The following PROX1 variants were observed in gnomAD, a reference collection of about 807,000 sequenced individuals.
PROX1 encodes the protein prospero homeobox protein 1.
PROX1 carries 7 observed loss-of-function variants against 58.8 expected under a neutral mutation model. The ratio of observed to expected loss-of-function variants is 0.12; its 90% confidence interval spans 0.07 to 0.22. The LOEUF (loss-of-function observed/expected upper bound fraction) is 0.22. Ranked by LOEUF, PROX1 falls within the 10% of genes least tolerant of loss-of-function variation. The pLI is 1.00. For synonymous variants in PROX1, 350 were observed against 358.3 expected (o/e 0.98, Z 0.26); for missense variants, 675 against 927.8 (o/e 0.73, Z 3.54).
At chr1:214,004,345 T>A (rs1396632318) in intron 2 of PROX1, among the ~76,000 whole-genome samples, 1 of 152,228 alleles carries the variant, frequency 6.6e-6, no homozygotes, top group African/African-American at 2.4e-5. Context: ...AAGGTAATGA[T>A]GTTTCCAGAT....
Position 213,997,231 on chromosome 1 carries a change from G to A in PROX1, c.696G>A (p.Lys232=). The A allele has an allele frequency of 8.7e-6, 14 of 1,612,898 alleles. No homozygotes were observed. Among genetic ancestry groups the A allele is most frequent in the East Asian group, 2.2e-5 (1 of 44,858 alleles). The change falls in exon 2 of 5, where the codon AAG becomes AAA. Residue 232 remains lysine (K), a synonymous_variant. Coordinates refer to ENST00000366958, the MANE Select transcript of PROX1 (RefSeq NM_001270616.2). The surrounding 1 kb of genome is among the most constrained non-coding windows in gnomAD (Gnocchi z 7.1). The stretch of plus-strand genomic sequence containing the variant: ...TGGTTTCAGCCCGAAAAGAACAGAA[G>A]CGAGAGGAGCGCCGACAGCTGAAAC... The part of the protein sequence containing the change: ...QQLVSARKEQ[K]REERRQLKQQ...
intron 4 of PROX1, 78 bp from the exon 5 acceptor site, chr1:214,035,571 T>G: frequency 7.0e-7 from 1 of 1,427,356 alleles, no homozygotes; most frequent in Non-Finnish European, 9.4e-7. Flanking sequence ...AAGAATGATC[T>G]TAGCTCAGTT....
chr1:214,017,063 T>C (rs990392972), intron 4 of PROX1, among the ~76,000 whole-genome samples: 2 of 152,192 alleles, frequency 1.3e-5, no homozygotes, highest in African/African-American at 2.4e-5. Context: ...TATTGTCCTT[T>C]GTTGGGGTGA....
At chr1:213,994,925 A>C (rs1158047413) in intron 1 of PROX1, among the ~76,000 whole-genome samples, 1 of 151,510 alleles carries the variant, frequency 6.6e-6, no homozygotes, top group East Asian at 1.9e-4. Flanking sequence ...AAAAATATAC[A>C]TATTGTTGCC....
At chr1:214,035,497 A>T in intron 4 of PROX1, 152 bp from the exon 5 acceptor site, 2 of 675,346 alleles carry the variant, frequency 3.0e-6, no homozygotes, top group Non-Finnish European at 4.8e-6. Context: ...TAATGACTTT[A>T]CATTAAAAGA....
chr1:214,029,839 AT>A (rs1439860447), intron 4 of PROX1: 2 of 152,042 alleles, frequency 1.3e-5, no homozygotes. Context: ...TATTTATTTG[AT>A]TTTGTGAATC....
chr1:214,028,525 G>A (rs944781252), intron 4 of PROX1, among the ~76,000 whole-genome samples: 3 of 152,114 alleles, frequency 2.0e-5, no homozygotes, highest in Non-Finnish European at 4.4e-5. Context: ...TCACCCAAGC[G>A]AACCTCCTCA....
chr1:214,037,692 G>A lies in PROX1; in HGVS notation c.*1858G>A, dbSNP rs1370060373. 1 of 152,260 alleles carries A rather than the reference G, an allele frequency of 6.6e-6. No homozygotes were observed. Among genetic ancestry groups the A allele is most frequent in the East Asian group, 1.9e-4 (1 of 5,178 alleles). 9.4% of individuals were successfully genotyped at this position (152,260 alleles called of 1,614,324 possible). A position where few individuals can be genotyped will look rare whatever the true frequency, so the allele number is the denominator to read the frequency against. On this transcript the variant is annotated 3_prime_UTR_variant, in exon 5 of 5. Transcript: ENST00000366958. ...CCAGCCACCTCACTCTGCACCCGCG[G>A]CCTCACACATCTCCCAGCTCACACT...
chr1:214,036,502 G>A lies in PROX1; in HGVS notation c.*668G>A, dbSNP rs1664834766. ...CGTACCAGTTTCTTCTGGAGGCAAA[G>A]CAATTTTGCACAAAACCAGCTCTCT... On this transcript the variant is annotated 3_prime_UTR_variant, in exon 5 of 5. Transcript: ENST00000366958. The A allele has an allele frequency of 6.6e-6, 1 of 152,154 alleles. No homozygotes were observed. The highest frequency in any genetic ancestry group is 1.5e-5 in the Non-Finnish European group (1 of 68,032). 9.4% of individuals were successfully genotyped at this position (152,154 alleles called of 1,614,324 possible). A position where few individuals can be genotyped will look rare whatever the true frequency, so the allele number is the denominator to read the frequency against.
chr1:214,027,919 C>A (rs1571840915), intron 4 of PROX1, among the ~76,000 whole-genome samples: 1 of 150,400 alleles, frequency 6.6e-6, no homozygotes. Context: ...TTGTTTAGAC[C>A]AAGGAAACAT....
At chr1:214,025,576 AC>A (rs1664422271) in intron 4 of PROX1, among the ~76,000 whole-genome samples, 1 of 151,928 alleles carries the variant, frequency 6.6e-6, no homozygotes, top group African/African-American at 2.4e-5. Flanking sequence ...AATTTTGCTG[AC>A]CACCGGCTGA....
rs191582069 is a variant in PROX1, at chr1:214,038,142, G to A, written c.*2308G>A. ...TTAAATAGACAAATTAAGCAAAAGT[G>A]TGTGTTCACAACCAAATGTTGATGC... On this transcript the variant is annotated 3_prime_UTR_variant, in exon 5 of 5. Transcript: ENST00000366958. 2 of 152,266 alleles carry A rather than the reference G, an allele frequency of 1.3e-5. No individual in the cohort carries two copies. Among genetic ancestry groups the A allele is most frequent in the African/African-American group, 4.8e-5 (2 of 41,544 alleles). 9.4% of individuals were successfully genotyped at this position (152,266 alleles called of 1,614,324 possible). A position where few individuals can be genotyped will look rare whatever the true frequency, so the allele number is the denominator to read the frequency against.
intron 1 of PROX1, among the ~76,000 whole-genome samples, chr1:213,989,287 A>C (rs1662932601): frequency 6.6e-6 from 1 of 151,652 alleles, no homozygotes; most frequent in African/African-American, 2.4e-5. Flanking sequence ...TCCTGGACCC[A>C]GGGCTGGGTC....
intron 4 of PROX1, among the ~76,000 whole-genome samples, chr1:214,033,489 T>G (rs1664731714): frequency 6.6e-6 from 1 of 152,128 alleles, no homozygotes; most frequent in Non-Finnish European, 1.5e-5. Context: ...TCTCAGCTAC[T>G]CAGGAGGCTA....
At chr1:214,006,733 G>A (rs1663727574) in intron 3 of PROX1, among the ~76,000 whole-genome samples, 1 of 152,186 alleles carries the variant, frequency 6.6e-6, no homozygotes, top group South Asian at 2.1e-4. Flanking sequence ...TCTAGGAGGG[G>A]ACATGGAGGA....
intron 4 of PROX1, among the ~76,000 whole-genome samples, chr1:214,035,027 A>G (rs1219411435): frequency 1.3e-5 from 2 of 152,148 alleles, no homozygotes; most frequent in African/African-American, 4.8e-5. Context: ...TTTCTGATGT[A>G]ATATTTTAGG....
At chr1:214,024,961 G>A (rs897357323) in intron 4 of PROX1, among the ~76,000 whole-genome samples, 4 of 152,128 alleles carry the variant, frequency 2.6e-5, no homozygotes, top group South Asian at 4.1e-4. Context: ...CCAAATTTAC[G>A]GGGCTGACTT....
chr1:214,040,444 T>A lies in PROX1; in HGVS notation c.*4610T>A, dbSNP rs1053849097. The A allele has an allele frequency of 6.6e-6, 1 of 152,200 alleles. No individual in the cohort carries two copies. The highest frequency in any genetic ancestry group is 2.4e-5 in the African/African-American group (1 of 41,468). 9.4% of individuals were successfully genotyped at this position (152,200 alleles called of 1,614,324 possible). On this transcript the variant is annotated 3_prime_UTR_variant, in exon 5 of 5. Coordinates refer to ENST00000366958, the MANE Select transcript of PROX1 (RefSeq NM_001270616.2). ...AAAACGTATTCATTCTGTATTTTTT[T>A]AAATATTCAATTCCCCTAAAAATGG...
Position 213,997,309 on chromosome 1 carries a change from C to T in PROX1, c.774C>T (p.Tyr258=). 1 of 1,614,090 alleles carries T rather than the reference C, an allele frequency of 6.2e-7. No individual in the cohort carries two copies. The highest frequency in any genetic ancestry group is 8.5e-7 in the Non-Finnish European group (1 of 1,180,030). ...TGCGCCAGCTGCAGGAAAAGTTCTA[C>T]CAAATCTATGACAGCACTGATTCGG... ...KQLRQLQEKF[Y]QIYDSTDSEN... The change falls in exon 2 of 5, where the codon TAC becomes TAT. Residue 258 remains tyrosine, a synonymous_variant. Coordinates refer to ENST00000366958, the MANE Select transcript of PROX1 (RefSeq NM_001270616.2). This position sits in a 1 kb window ranked among gnomAD's most constrained non-coding sequence, Gnocchi z 7.1.
Sources: gnomAD v4.1 joint callset for allele counts (sites outside exome capture counted in the v4.1 genomes callset) on GRCh38, gnomAD v4.1.1 for gene constraint, Gnocchi (gnomAD v3.1) non-coding constraint, MANE v1.5 for transcripts, NCBI Gene and HGNC (gene_info 2026-07-23, HGNC 2026-07-21) for gene names.